Variants in RERG observed in about 807,000 individuals in gnomAD.
The protein encoded by RERG is RAS like estrogen regulated growth inhibitor, also known as ras-related and estrogen-regulated growth inhibitor.
In RERG, 25 loss-of-function variants were observed where a neutral mutation model predicts 23.2. That is an observed-to-expected ratio of 1.08 (90% confidence interval 0.79 to 1.50). RERG has a LOEUF of 1.50. RERG is among the 40% of genes most tolerant of loss of function. The pLI, the probability that RERG is intolerant of heterozygous loss-of-function variation, is 0.00. For synonymous variants in RERG, 81 were observed against 89.1 expected (o/e 0.91, Z 0.51); for missense variants, 253 against 250.1 (o/e 1.01, Z -0.08).
chr12:15,160,954 G>A (rs1864595213), intron 2 of RERG, among the ~76,000 whole-genome samples: 1 of 151,904 alleles, frequency 6.6e-6, no homozygotes, highest in Non-Finnish European at 1.5e-5. Flanking sequence ...GGCCAACATG[G>A]TGAAACCCCG....
intron 2 of RERG, among the ~76,000 whole-genome samples, chr12:15,127,143 T>C (rs907416117): frequency 6.6e-6 from 1 of 152,244 alleles, no homozygotes; most frequent in Non-Finnish European, 1.5e-5. Flanking sequence ...TTCTCTGTTA[T>C]ATAATGTGTA....
intron 2 of RERG, among the ~76,000 whole-genome samples, chr12:15,132,797 A>G (rs1305195456): frequency 6.6e-6 from 1 of 152,092 alleles, no homozygotes; most frequent in Non-Finnish European, 1.5e-5. Context: ...CTAATTACAC[A>G]TGATATTGGG....
chr12:15,194,427 T>G (rs1865114842), intron 2 of RERG, among the ~76,000 whole-genome samples: 1 of 151,950 alleles, frequency 6.6e-6, no homozygotes, highest in Non-Finnish European at 1.5e-5. Flanking sequence ...CCTCAGAACA[T>G]GTGCTTTTGA....
At chr12:15,183,662 A>G (rs1046912825) in intron 2 of RERG, among the ~76,000 whole-genome samples, 1 of 152,202 alleles carries the variant, frequency 6.6e-6, no homozygotes, top group African/African-American at 2.4e-5. Flanking sequence ...TTAGAAAGCT[A>G]TTAGGATATT....
chr12:15,117,317 T>C (rs1264833091), intron 3 of RERG, among the ~76,000 whole-genome samples: 2 of 152,208 alleles, frequency 1.3e-5, no homozygotes, highest in African/African-American at 4.8e-5. Context: ...TCTTGGTACC[T>C]GTTTCCTTAT....
intron 2 of RERG, among the ~76,000 whole-genome samples, chr12:15,178,811 A>G (rs1864886650): frequency 6.6e-6 from 1 of 152,106 alleles, no homozygotes; most frequent in South Asian, 2.1e-4. Context: ...GATGTGAAAA[A>G]ATGTTTTCCT....
At chr12:15,133,704 C>T (rs181978616) in intron 2 of RERG, among the ~76,000 whole-genome samples, 1 of 150,652 alleles carries the variant, frequency 6.6e-6, no homozygotes, top group Admixed American at 6.7e-5. Flanking sequence ...ACTTTTGATC[C>T]CCACCAGCAA....
Position 15,134,268 on chromosome 12 carries a change from G to A in RERG, c.62-13149C>T, listed in dbSNP as rs187981887. Among the ~76,000 whole-genome samples, 168 of 152,108 alleles carry A rather than the reference G, an allele frequency of 1.1e-3. 1 individual carries two copies. The East Asian group carries it at 0.03, about 27-fold the overall frequency. ...TGTGTCTCATTTTGAGTTAATTTTTGTGACTGGCATAATATCTATATCCAG... is the reference window on the plus strand; with the variant it reads ...TGTGTCTCATTTTGAGTTAATTTTTATGACTGGCATAATATCTATATCCAG... On this transcript the variant is annotated intron_variant, in intron 2 of 4. Transcript: ENST00000256953.
At chr12:15,118,416 T>C (rs182192466) in intron 3 of RERG, among the ~76,000 whole-genome samples, 3 of 152,316 alleles carry the variant, frequency 2.0e-5, no homozygotes, top group African/African-American at 4.8e-5. Flanking sequence ...AGGAAAGCAC[T>C]GACTTCAGAA....
At chr12:15,220,177 C>T (rs1285297773) in intron 1 of RERG, among the ~76,000 whole-genome samples, 1 of 152,176 alleles carries the variant, frequency 6.6e-6, no homozygotes, top group African/African-American at 2.4e-5. Flanking sequence ...AGCTTCCATA[C>T]GTGGATCTAA....
chr12:15,181,610 T>C (rs1269320825), intron 2 of RERG, among the ~76,000 whole-genome samples: 5 of 152,218 alleles, frequency 3.3e-5, no homozygotes, highest in African/African-American at 9.6e-5. Context: ...TTTCATAGGA[T>C]TGTTATGAGA....
chr12:15,124,725 G>T (rs1160687594), intron 2 of RERG, among the ~76,000 whole-genome samples: 1 of 151,926 alleles, frequency 6.6e-6, no homozygotes, highest in East Asian at 1.9e-4. Context: ...ATGGAAAAAT[G>T]CTGGAAATTT....
At chr12:15,165,420 T>C (rs992852233) in intron 2 of RERG, among the ~76,000 whole-genome samples, 4 of 152,156 alleles carry the variant, frequency 2.6e-5, no homozygotes, top group Non-Finnish European at 4.4e-5. Flanking sequence ...TCAAACAACA[T>C]AATAAATTGT....
intron 2 of RERG, among the ~76,000 whole-genome samples, chr12:15,138,796 A>G (rs1864185369): frequency 6.6e-6 from 1 of 151,912 alleles, no homozygotes; most frequent in African/African-American, 2.4e-5. Flanking sequence ...CTTTAACGTA[A>G]CAGAAGTTTT....
intron 2 of RERG, among the ~76,000 whole-genome samples, chr12:15,176,798 TAGATTAAC>T (rs1864857194): frequency 6.6e-6 from 1 of 152,222 alleles, no homozygotes; most frequent in African/African-American, 2.4e-5. Context: ...TTATTTAAAG[TAGATTAAC>T]AAAAGATTTC....
chr12:15,213,531 A>G lies in RERG; in HGVS notation c.61+3898T>C, dbSNP rs190044191. Among the ~76,000 whole-genome samples, 104 of 152,354 alleles carry G rather than the reference A, an allele frequency of 6.8e-4. No individual in the cohort carries two copies. The Middle Eastern group carries it at 0.01, about 15-fold the overall frequency. ...GAGTTCACTGTACTATCCCTATGCC[A>G]GCAAGCTCACTTGAAGACAGAACTG... On this transcript the variant is annotated intron_variant, in intron 2 of 4. Coordinates refer to ENST00000256953, the MANE Select transcript of RERG (RefSeq NM_032918.3).
intron 2 of RERG, among the ~76,000 whole-genome samples, chr12:15,133,250 C>T (rs953935712): frequency 1.3e-5 from 2 of 150,844 alleles, no homozygotes; most frequent in Admixed American, 6.6e-5. Context: ...CTATTCATCC[C>T]TCTCTTCCCC....
chr12:15,190,811 T>C (rs1167881564), intron 2 of RERG, among the ~76,000 whole-genome samples: 3 of 152,254 alleles, frequency 2.0e-5, no homozygotes, highest in African/African-American at 7.2e-5. Context: ...TATCATCCCA[T>C]AGTTTCTGTG....
chr12:15,171,671 T>C (rs1315008512), intron 2 of RERG, among the ~76,000 whole-genome samples: 1 of 152,220 alleles, frequency 6.6e-6, no homozygotes, highest in African/African-American at 2.4e-5. Context: ...AAGTGGGTTT[T>C]AAGTTAACCT....
Sources: gnomAD v4.1 joint callset for allele counts (sites outside exome capture counted in the v4.1 genomes callset) on GRCh38, gnomAD v4.1.1 for gene constraint, MANE v1.5 for transcripts, NCBI Gene and HGNC (gene_info 2026-07-23, HGNC 2026-07-21) for gene names.